The following YAP1 variants were observed in gnomAD, a reference collection of about 807,000 sequenced individuals.
The protein encoded by YAP1 is transcriptional coactivator YAP1.
YAP1 carries 5 observed loss-of-function variants against 56.9 expected under a neutral mutation model. The observed-to-expected ratio is 0.09, with a 90% CI of 0.05 to 0.18. The LOEUF (loss-of-function observed/expected upper bound fraction) is 0.18, where lower values mean the gene tolerates loss of function less well. Among genes scored for constraint, YAP1 ranks in the 10% least tolerant of loss-of-function variants. The probability of loss-of-function intolerance (pLI) is 1.00; values close to 1 mark genes in which losing one functional copy is unlikely to be tolerated. For missense variants in YAP1, 539 were observed against 651.8 expected (o/e 0.83, Z 1.88); for synonymous variants, 265 against 248.1 (o/e 1.07, Z -0.64).
intron 2 of YAP1, among the ~76,000 whole-genome samples, chr11:102,148,302 T>C (rs999433713): frequency 6.6e-6 from 1 of 152,180 alleles, no homozygotes; most frequent in Non-Finnish European, 1.5e-5. Flanking sequence ...TGGGGGAGCC[T>C]AAGAAGATCA....
At chr11:102,170,833 A>T (rs976354916) in intron 3 of YAP1, among the ~76,000 whole-genome samples, 4 of 151,794 alleles carry the variant, frequency 2.6e-5, no homozygotes, top group Non-Finnish European at 5.9e-5. Context: ...GCCAGGTATG[A>T]TGGTGGGTGC....
At position 102,202,165 on chromosome 11, in the gene YAP1, A is replaced by T. The variant is rs182860800; in HGVS notation, c.803-3728A>T. Among the ~76,000 whole-genome samples, 826 of 147,020 alleles carry T rather than the reference A, an allele frequency of 5.6e-3. 11 individuals carry two copies. The highest frequency in any genetic ancestry group is 0.019 in the African/African-American group (775 of 40,316). On this transcript the variant is annotated intron_variant, in intron 4 of 8. Coordinates refer to ENST00000282441, the MANE Select transcript of YAP1 (RefSeq NM_001130145.3). Reference sequence around the variant, plus strand: ...GTAGCAGAGTATCAGAATTATTATTATTTTTTTTTTTTGAGATGGAGTCTC... The same window carrying T: ...GTAGCAGAGTATCAGAATTATTATTTTTTTTTTTTTTTGAGATGGAGTCTC...
chr11:102,186,361 A>G (rs1027362340), intron 4 of YAP1: 6 of 420,444 alleles, frequency 1.4e-5, no homozygotes, highest in African/African-American at 4.2e-5. Context: ...GGGGAATGTC[A>G]TAATGGCCGA....
chr11:102,203,389 C>T (rs1948972552), intron 4 of YAP1, among the ~76,000 whole-genome samples: 1 of 152,028 alleles, frequency 6.6e-6, no homozygotes, highest in South Asian at 2.1e-4. Context: ...ATGGGATGGA[C>T]TTTTGATAAT....
chr11:102,207,102 G>A (rs1456103878), intron 5 of YAP1, among the ~76,000 whole-genome samples: 5 of 151,998 alleles, frequency 3.3e-5, no homozygotes, highest in African/African-American at 1.2e-4. Flanking sequence ...TGGAGATAAG[G>A]TCTTTTGTTA....
intron 2 of YAP1, among the ~76,000 whole-genome samples, chr11:102,133,639 A>G (rs993616717): frequency 3.3e-5 from 5 of 152,152 alleles, no homozygotes; most frequent in Non-Finnish European, 7.3e-5. Context: ...TGGTTTTGGA[A>G]GGAAGTTATG....
intron 7 of YAP1, among the ~76,000 whole-genome samples, chr11:102,225,687 T>C (rs531144095): frequency 6.6e-6 from 1 of 152,284 alleles, no homozygotes; most frequent in South Asian, 2.1e-4. Flanking sequence ...CATGAAACTT[T>C]TACCCTTTAC....
chr11:102,209,216 G>T (rs1049249936), intron 5 of YAP1, among the ~76,000 whole-genome samples: 15 of 152,048 alleles, frequency 9.9e-5, no homozygotes, highest in African/African-American at 3.6e-4. Context: ...CAAATATATT[G>T]TATCTGCTTT....
At chr11:102,223,485 TG>T (rs1341132304) in intron 6 of YAP1, 136 bp from the exon 7 acceptor site, 1 of 916,670 alleles carries the variant, frequency 1.1e-6, no homozygotes, top group East Asian at 2.7e-5. Flanking sequence ...TCATTCTGAT[TG>T]GGAAATGTAT....
At chr11:102,198,299 C>T (rs1388245451) in intron 4 of YAP1, among the ~76,000 whole-genome samples, 2 of 152,192 alleles carry the variant, frequency 1.3e-5, no homozygotes, top group Non-Finnish European at 2.9e-5. Context: ...TTGTTGTCAG[C>T]ATTGGCTATT....
chr11:102,119,616 G>T (rs1176443058), intron 2 of YAP1, among the ~76,000 whole-genome samples: 1 of 147,768 alleles, frequency 6.8e-6, no homozygotes, highest in African/African-American at 2.5e-5. Flanking sequence ...CAAACATCTA[G>T]ATAGCATTTA....
At chr11:102,183,657 T>C (rs1055606405) in intron 3 of YAP1, among the ~76,000 whole-genome samples, 32 of 151,554 alleles carry the variant, frequency 2.1e-4, no homozygotes, top group African/African-American at 7.0e-4. Context: ...TAGGTATCTC[T>C]TGTGGCTCTC....
At chr11:102,227,803 T>G (rs1950266144) in intron 8 of YAP1, among the ~76,000 whole-genome samples, 1 of 152,202 alleles carries the variant, frequency 6.6e-6, no homozygotes, top group Non-Finnish European at 1.5e-5. Context: ...GTGCAGTGGC[T>G]CATGCCTCTA....
chr11:102,196,292 T>C lies in YAP1; in HGVS notation c.803-9601T>C, dbSNP rs146734088. Among the ~76,000 whole-genome samples the C allele has an allele frequency of 2.0e-3, 309 of 152,278 alleles. 1 individual carries two copies. The highest frequency in any genetic ancestry group is 7.1e-3 in the African/African-American group (293 of 41,552). On this transcript the variant is annotated intron_variant, in intron 4 of 8. Transcript: ENST00000282441. ...TACAGCAGTATTATTTTATAATAAA[T>C]AGCCAAAAAGTGAAAATAACCCAAA...
chr11:102,110,892 G>A lies in YAP1; in HGVS notation c.44G>A (p.Gly15Asp), dbSNP rs762152510. ...QQPPPQPAPQ[G>D]QGQPPSQPPQ... ...CCGCCGCCTCAACCGGCCCCCCAGG[G>A]CCAAGGGCAGCCGCCTTCGCAGCCC... Residue 15 changes from glycine (G) to aspartate (D), a missense_variant, in exon 1 of 9, where the codon GGC (glycine) becomes GAC (aspartate). Gly to Asp is a moderately conservative substitution (Grantham distance 94). Around this residue, in one of 4 missense-constraint regions of YAP1, gnomAD observed 106 missense variants for 86.6 expected, o/e 1.22. Coordinates refer to ENST00000282441, the MANE Select transcript of YAP1 (RefSeq NM_001130145.3). 2.8e-6 allele frequency: 4 copies of A among 1,436,574 alleles called. No individual in the cohort carries two copies. Among genetic ancestry groups the A allele is most frequent in the South Asian group, 2.8e-5 (2 of 72,086 alleles). The allele number at this position is 1,436,574 out of a possible 1,614,324, so 89.0% of individuals were successfully genotyped here.
At chr11:102,129,722 T>G (rs930510299) in intron 2 of YAP1, among the ~76,000 whole-genome samples, 1 of 152,088 alleles carries the variant, frequency 6.6e-6, no homozygotes, top group East Asian at 1.9e-4. Flanking sequence ...GGTTCCATTT[T>G]TCAGTAGTCT....
chr11:102,118,868 C>T (rs1943472315), intron 2 of YAP1, among the ~76,000 whole-genome samples: 1 of 151,872 alleles, frequency 6.6e-6, no homozygotes, highest in South Asian at 2.1e-4. Flanking sequence ...AAGATTATGC[C>T]TCTTTAAAAG....
chr11:102,176,054 A>G (rs1175533759), intron 3 of YAP1, among the ~76,000 whole-genome samples: 1 of 152,252 alleles, frequency 6.6e-6, no homozygotes, highest in African/African-American at 2.4e-5. Flanking sequence ...CTTTGTAAAA[A>G]AAAACTGAAG....
intron 3 of YAP1, among the ~76,000 whole-genome samples, chr11:102,172,259 G>C (rs1345027868): frequency 6.7e-6 from 1 of 149,714 alleles, no homozygotes; most frequent in East Asian, 1.9e-4. Flanking sequence ...TAGAGAGAGA[G>C]GAACACATGA....
Sources: allele counts gnomAD v4.1 joint callset (sites outside exome capture counted in the v4.1 genomes callset), GRCh38; gene constraint gnomAD v4.1.1; regional missense constraint gnomAD v4.1.1; transcripts MANE v1.5; gene names NCBI Gene and HGNC (gene_info 2026-07-23, HGNC 2026-07-21).